NOL4: variants seen among roughly 807,000 people sequenced by gnomAD.
The protein encoded by NOL4 is cancer/testis antigen 125.
Under a neutral mutation model 75.9 loss-of-function variants are expected in NOL4, and 17 were observed. That is an observed-to-expected ratio of 0.22 (90% CI 0.15 to 0.34). NOL4 has a LOEUF of 0.34. Ranked by LOEUF, NOL4 falls within the 10% of genes least tolerant of loss-of-function variation. NOL4 has a pLI of 1.00. For synonymous variants in NOL4, 292 were observed against 289.9 expected (o/e 1.01, Z -0.07); for missense variants, 614 against 793.5 (o/e 0.77, Z 2.72).
rs73955097 is a variant in NOL4, at chr18:34,020,937, A to G, written c.773-1336T>C. ...ATAAATATGGCTGAGCAAAAGAAAT[A>G]TTATTCAATACTTGTGATTTTTAAT... On this transcript the variant is annotated intron_variant, in intron 5 of 10. Coordinates refer to ENST00000261592, the MANE Select transcript of NOL4 (RefSeq NM_003787.5). Among the ~76,000 whole-genome samples, 1,202 of 152,328 alleles carry G rather than the reference A, an allele frequency of 7.9e-3. 12 individuals are homozygous for G. Among genetic ancestry groups the G allele is most frequent in the African/African-American group, 0.027 (1,132 of 41,570 alleles).
chr18:33,994,408 G>A (rs2073133538), intron 6 of NOL4, among the ~76,000 whole-genome samples: 1 of 151,880 alleles, frequency 6.6e-6, no homozygotes, highest in Non-Finnish European at 1.5e-5. Flanking sequence ...AATATTCTAG[G>A]ACATAAAGCC....
intron 1 of NOL4, among the ~76,000 whole-genome samples, chr18:34,167,569 C>T (rs150053548): frequency 1.1e-5 from 1 of 91,604 alleles, no homozygotes; most frequent in African/African-American, 3.6e-5. Flanking sequence ...GATAGACAGA[C>T]AGACAGATAG....
chr18:34,145,415 T>A (rs2081357207), intron 1 of NOL4, among the ~76,000 whole-genome samples: 1 of 151,756 alleles, frequency 6.6e-6, no homozygotes, highest in South Asian at 2.1e-4. Context: ...GATTTAAACT[T>A]CCTAATTTAT....
intron 5 of NOL4, among the ~76,000 whole-genome samples, chr18:34,068,073 C>T (rs2077356581): frequency 6.6e-6 from 1 of 152,008 alleles, no homozygotes; most frequent in Non-Finnish European, 1.5e-5. Context: ...AAAGAAAAGC[C>T]AGTGAGGTGG....
Position 33,934,283 on chromosome 18 carries a change from T to G in NOL4, c.1542+8782A>C, listed in dbSNP as rs530219021. ...GGAACACAGGCAGAGTAGATTTTCATGAAATTCTTAAGGGCCCTAGGATCT... is the reference window on the plus strand; with the variant it reads ...GGAACACAGGCAGAGTAGATTTTCAGGAAATTCTTAAGGGCCCTAGGATCT... On this transcript the variant is annotated intron_variant, in intron 9 of 10. Transcript: ENST00000261592. Among the ~76,000 whole-genome samples, 23 of 152,204 alleles carry G rather than the reference T, an allele frequency of 1.5e-4. No individual in the cohort carries two copies. In the East Asian group the frequency reaches 3.7e-3, roughly 24 times the overall value.
chr18:33,936,784 T>C (rs1371981754), intron 9 of NOL4, among the ~76,000 whole-genome samples: 3 of 152,100 alleles, frequency 2.0e-5, no homozygotes, highest in African/African-American at 7.2e-5. Flanking sequence ...AGAAACTTTC[T>C]ACCTTAATCA....
chr18:33,941,502 G>A (rs2068473079), intron 9 of NOL4, among the ~76,000 whole-genome samples: 2 of 151,870 alleles, frequency 1.3e-5, no homozygotes, highest in South Asian at 4.1e-4. Context: ...CTGAGGTAGT[G>A]TTATTAATGC....
At chr18:34,008,235 C>T (rs939848854) in intron 6 of NOL4, among the ~76,000 whole-genome samples, 4 of 151,984 alleles carry the variant, frequency 2.6e-5, no homozygotes, top group African/African-American at 9.7e-5. Context: ...CCTTGGTTAT[C>T]AGGCCTTCAG....
chr18:34,023,852 A>G (rs1363230378), intron 5 of NOL4, among the ~76,000 whole-genome samples: 1 of 152,018 alleles, frequency 6.6e-6, no homozygotes, highest in Admixed American at 6.6e-5. Flanking sequence ...AACACAGTAA[A>G]TGGCAGATTA....
Position 33,852,577 on chromosome 18 carries a change from CT to C in NOL4, c.*264del, listed in dbSNP as rs2062671434. On this transcript the variant is annotated 3_prime_UTR_variant, in exon 11 of 11. Transcript: ENST00000261592. ...TATCCTTGAATTAAGAATAGATAGC[CT>C]TTTATGCCCCTGATATTTATGGTGA... The C allele has an allele frequency of 7.2e-6, 2 of 279,386 alleles. No homozygotes were observed. The highest frequency in any genetic ancestry group is 1.3e-5 in the Non-Finnish European group (2 of 150,390). The allele number at this position is 279,386 out of a possible 1,614,324, so 17.3% of individuals were successfully genotyped here. A position where few individuals can be genotyped will look rare whatever the true frequency, so the allele number is the denominator to read the frequency against.
intron 5 of NOL4, among the ~76,000 whole-genome samples, chr18:34,025,333 C>G (rs2075288963): frequency 6.6e-6 from 1 of 152,078 alleles, no homozygotes; most frequent in South Asian, 2.1e-4. Flanking sequence ...TAACAAACCC[C>G]TGGAAGAAAA....
At chr18:34,222,520 C>G (rs1218281605) in intron 1 of NOL4, 2 of 887,134 alleles carry the variant, frequency 2.3e-6, no homozygotes, top group Admixed American at 6.2e-5. Flanking sequence ...GCGCTACATT[C>G]GGGCTTTATG....
At chr18:34,052,782 G>T (rs1342941254) in intron 5 of NOL4, among the ~76,000 whole-genome samples, 3 of 152,014 alleles carry the variant, frequency 2.0e-5, no homozygotes, top group Non-Finnish European at 4.4e-5. Context: ...ATCTAGGAGA[G>T]AACTTTTTCC....
chr18:34,098,273 C>T (rs1281568472), intron 4 of NOL4, among the ~76,000 whole-genome samples: 3 of 152,118 alleles, frequency 2.0e-5, no homozygotes, highest in Non-Finnish European at 1.5e-5. Flanking sequence ...CAGGGAGCTT[C>T]CACTTCCTGT....
intron 9 of NOL4, among the ~76,000 whole-genome samples, chr18:33,938,494 T>C (rs932365686): frequency 6.6e-6 from 1 of 152,194 alleles, no homozygotes; most frequent in Non-Finnish European, 1.5e-5. Flanking sequence ...TGAGATGGTA[T>C]CTCATTGTGG....
intron 6 of NOL4, among the ~76,000 whole-genome samples, chr18:33,993,551 C>T (rs546622170): frequency 5.3e-5 from 8 of 151,762 alleles, no homozygotes; most frequent in Non-Finnish European, 1.2e-4. Context: ...ACAACAACAA[C>T]AAAACCCTAA....
Position 34,224,191 on chromosome 18 carries a change from C to T in NOL4, c.-938G>A, listed in dbSNP as rs1275729463. The T allele has an allele frequency of 6.6e-6, 1 of 152,280 alleles. No individual in the cohort carries two copies. Among genetic ancestry groups the T allele is most frequent in the East Asian group, 1.9e-4 (1 of 5,184 alleles). The allele number at this position is 152,280 out of a possible 1,614,324, so 9.4% of individuals were successfully genotyped here. On this transcript the variant is annotated 5_prime_UTR_variant, in exon 1 of 11. Transcript: ENST00000261592. ...CGGGTATCCCGAATAATGATGGGAC[C>T]CCCAGACAGGACTCCTCTGGTTTCT...
intron 8 of NOL4, among the ~76,000 whole-genome samples, chr18:33,955,840 T>C (rs954380083): frequency 2.0e-5 from 3 of 152,118 alleles, no homozygotes; most frequent in African/African-American, 7.2e-5. Flanking sequence ...TAAAAGCAAC[T>C]ATCTAGGTAA....
chr18:33,905,973 A>G (rs1450633824), intron 9 of NOL4, among the ~76,000 whole-genome samples: 1 of 152,212 alleles, frequency 6.6e-6, no homozygotes, highest in African/African-American at 2.4e-5. Context: ...AAATTGTAGC[A>G]GTGAAAAGGA....
Sources: gnomAD v4.1 joint callset for allele counts (sites outside exome capture counted in the v4.1 genomes callset) on GRCh38, gnomAD v4.1.1 for gene constraint, MANE v1.5 for transcripts, NCBI Gene and HGNC (gene_info 2026-07-23, HGNC 2026-07-21) for gene names.